DNAAF11: variants seen among roughly 807,000 people sequenced by gnomAD.
DNAAF11 encodes the protein leucine rich repeat containing 6.
DNAAF11 carries 45 observed loss-of-function variants against 60.8 expected under a neutral mutation model. The ratio of observed to expected loss-of-function variants is 0.74; its 90% confidence interval spans 0.58 to 0.95. DNAAF11 has a LOEUF of 0.95. DNAAF11 is among the 40% of genes least tolerant of loss of function. DNAAF11 has a pLI of 0.00. For missense variants in DNAAF11, 546 were observed against 546.2 expected (o/e 1.00, Z 0.00); for synonymous variants, 191 against 183.5 (o/e 1.04, Z -0.33).
intron 8 of DNAAF11, among the ~76,000 whole-genome samples, chr8:132,611,644 C>T (rs1288976306): frequency 6.6e-6 from 1 of 152,164 alleles, no homozygotes; most frequent in East Asian, 1.9e-4. Context: ...CAAAAAACAG[C>T]TTGCCATGCT....
intron 5 of DNAAF11, 41 bp downstream of exon 5, chr8:132,632,699 T>C (rs1455887693): frequency 1.4e-6 from 2 of 1,426,620 alleles, no homozygotes; most frequent in Admixed American, 1.7e-5. Flanking sequence ...TTGCTGCTTT[T>C]AACAAAAGTT....
rs117212817 is a variant in DNAAF11, at chr8:132,637,907, G to T, written c.429+28C>A. On this transcript the variant is annotated intron_variant, in intron 4 of 11. Coordinates refer to ENST00000620350, the MANE Select transcript of DNAAF11 (RefSeq NM_012472.6). Reference sequence around the variant, plus strand: ...TAGTTGCTCATGCTCATTTATCTGTGATTTCTGCACCATTAAAAGAACCAT... The same window carrying T: ...TAGTTGCTCATGCTCATTTATCTGTTATTTCTGCACCATTAAAAGAACCAT... The T allele has an allele frequency of 6.8e-4, 1,071 of 1,566,416 alleles. 3 individuals are homozygous for T. The highest frequency in any genetic ancestry group is 6.5e-4 in the Non-Finnish European group (749 of 1,153,418).
intron 10 of DNAAF11, among the ~76,000 whole-genome samples, chr8:132,590,432 T>C (rs768736692): frequency 2.6e-5 from 4 of 152,364 alleles, no homozygotes; most frequent in Middle Eastern, 3.4e-3. Flanking sequence ...AACTTCCTGA[T>C]GGTACACATT....
chr8:132,572,589 C>T (rs1814320836), intron 11 of DNAAF11, 109 bp from the exon 12 acceptor site: 3 of 681,602 alleles, frequency 4.4e-6, no homozygotes, highest in East Asian at 2.7e-5. Context: ...AAGTAATATG[C>T]CTGGAGCACA....
intron 11 of DNAAF11, chr8:132,578,526 A>G (rs1292488005): frequency 6.8e-7 from 1 of 1,480,640 alleles, no homozygotes. Flanking sequence ...GCTGGAAGAC[A>G]AAATCAACAG....
chr8:132,602,079 T>C (rs1347515568), intron 10 of DNAAF11, among the ~76,000 whole-genome samples: 2 of 152,162 alleles, frequency 1.3e-5, no homozygotes, highest in Non-Finnish European at 2.9e-5. Flanking sequence ...ATCTTCTTAC[T>C]TTCCAGTGTA....
intron 1 of DNAAF11, 133 bp downstream of exon 1, chr8:132,675,351 G>C: frequency 1.1e-6 from 1 of 932,430 alleles, no homozygotes; most frequent in Non-Finnish European, 1.6e-6. Context: ...CGGAGGGCCG[G>C]GTGGGGTTAG....
At chr8:132,677,288 C>G (rs1227015519), upstream of DNAAF11, among the ~76,000 whole-genome samples, 1 of 152,160 alleles carries the variant, frequency 6.6e-6, no homozygotes, top group African/African-American at 2.4e-5. Flanking sequence ...AAGGAAGCTA[C>G]TACTGGGCAG....
chr8:132,649,264 G>A (rs1465640492), intron 3 of DNAAF11, among the ~76,000 whole-genome samples: 1 of 152,132 alleles, frequency 6.6e-6, no homozygotes, highest in Non-Finnish European at 1.5e-5. Context: ...ACAAGAAATG[G>A]GGAAAGGATT....
chr8:132,625,046 C>A (rs1180056223), intron 6 of DNAAF11, among the ~76,000 whole-genome samples: 2 of 152,064 alleles, frequency 1.3e-5, no homozygotes, highest in Non-Finnish European at 2.9e-5. Context: ...GATATACAAA[C>A]AAACCTCTAC....
the DNAAF11 span, among the ~76,000 whole-genome samples, chr8:132,698,937 CATAT>C: frequency 3.7e-4 from 53 of 142,956 alleles, no homozygotes; most frequent in South Asian, 2.6e-3. Context: ...TATATGTATA[CATAT>C]ATATATATAT....
At chr8:132,663,169 C>T (rs1002346977) in intron 1 of DNAAF11, among the ~76,000 whole-genome samples, 15 of 152,214 alleles carry the variant, frequency 9.9e-5, no homozygotes, top group African/African-American at 3.4e-4. Context: ...GCTAACAGTA[C>T]ACCACCACCA....
rs1366853405 is a variant in DNAAF11, at chr8:132,661,806, T to G, written c.11-179A>C. The stretch of plus-strand genomic sequence containing the variant: ...GTACCTCCTCCTGGAGTTTTTGTGA[T>G]GCCATGATGTGAGCTGGAGAGAAGA... On this transcript the variant is annotated intron_variant, in intron 1 of 11. Coordinates refer to ENST00000620350, the MANE Select transcript of DNAAF11 (RefSeq NM_012472.6). 48 of 685,420 alleles carry G rather than the reference T, an allele frequency of 7.0e-5. 1 individual carries two copies. The highest frequency in any genetic ancestry group is 2.1e-5 in the Admixed American group (1 of 47,618). The allele number at this position is 685,420 out of a possible 1,614,324, so 42.5% of individuals were successfully genotyped here.
chr8:132,618,939 C>A (rs1819473094), intron 7 of DNAAF11, among the ~76,000 whole-genome samples: 1 of 152,024 alleles, frequency 6.6e-6, no homozygotes, highest in Non-Finnish European at 1.5e-5. Flanking sequence ...CCAGCCATCC[C>A]ATTACTGGAT....
chr8:132,578,634 A>G (rs1265336183), intron 11 of DNAAF11: 3 of 628,078 alleles, frequency 4.8e-6, no homozygotes, highest in Non-Finnish European at 7.9e-6. Context: ...ATCAAAAAAC[A>G]TAAAGAAAGA....
chr8:132,625,888 G>C (rs1442779526), intron 5 of DNAAF11, among the ~76,000 whole-genome samples: 3 of 152,126 alleles, frequency 2.0e-5, no homozygotes, highest in Non-Finnish European at 4.4e-5. Context: ...CTGATGATCA[G>C]ACAAGAAATC....
intron 9 of DNAAF11, 35 bp from the exon 10 acceptor site, chr8:132,610,296 C>T (rs1434416272): frequency 7.0e-7 from 1 of 1,420,428 alleles, no homozygotes; most frequent in South Asian, 1.2e-5. Flanking sequence ...TCATTGAGAG[C>T]AAGGACGTTA....
upstream of DNAAF11, among the ~76,000 whole-genome samples, chr8:132,679,197 A>G (rs771470551): frequency 6.6e-6 from 1 of 152,206 alleles, no homozygotes; most frequent in African/African-American, 2.4e-5. Context: ...TTTTAGACTG[A>G]GAGCTACTCG....
Position 132,649,403 on chromosome 8 carries a change from C to T in DNAAF11, c.256+7427G>A, listed in dbSNP as rs370741157. Among the ~76,000 whole-genome samples, 140 of 152,272 alleles carry T rather than the reference C, an allele frequency of 9.2e-4. No individual in the cohort carries two copies. In the Middle Eastern group the frequency reaches 0.014, roughly 15 times the overall value. On this transcript the variant is annotated intron_variant, in intron 3 of 11. Coordinates refer to ENST00000620350, the MANE Select transcript of DNAAF11 (RefSeq NM_012472.6). ...AAAGACTTAAATGTTAGACCTAAAA[C>T]CATAAAAACCCTAGAAGAAAACCTA...
Sources: allele counts gnomAD v4.1 joint callset (sites outside exome capture counted in the v4.1 genomes callset), GRCh38; gene constraint gnomAD v4.1.1; transcripts MANE v1.5; gene names NCBI Gene and HGNC (gene_info 2026-07-23, HGNC 2026-07-21).